CACNA1C: variants seen among roughly 807,000 people sequenced by gnomAD.
The protein encoded by CACNA1C is voltage-dependent L-type calcium channel subunit alpha-1C.
CACNA1C carries 30 observed loss-of-function variants against 229.0 expected under a neutral mutation model. The ratio of observed to expected loss-of-function variants is 0.13; its 90% CI spans 0.10 to 0.18. The LOEUF is 0.18. Among genes scored for constraint, CACNA1C ranks in the 10% least tolerant of loss-of-function variants. The pLI is 1.00. For synonymous variants in CACNA1C, 1,114 were observed against 1,132.5 expected, an observed-to-expected ratio of 0.98 and a Z score of 0.33; for missense variants, 1,658 against 2,845.0, an observed-to-expected ratio of 0.58 and a Z score of 9.49.
Position 2,636,448 on chromosome 12 carries a change from G to A in CACNA1C, c.3912+2068G>A, listed in dbSNP as rs561152248. On this transcript the variant is annotated intron_variant, in intron 30 of 46. Transcript: ENST00000399655. ...GGGGGCTCTGTTGGGGATAGGGAGG[G>A]GGCCTGAACCCGTCCAGCAGCTCCT... Among the ~76,000 whole-genome samples, 10 of 152,306 alleles carry A rather than the reference G, an allele frequency of 6.6e-5. No homozygotes were observed. The South Asian group carries it at 2.1e-3, about 32-fold the overall frequency.
Position 2,686,162 on chromosome 12 carries a change from G to A in CACNA1C, c.5681-4G>A, listed in dbSNP as rs1458011026. 1 of 1,612,400 alleles carries A rather than the reference G, an allele frequency of 6.2e-7. No homozygotes were observed. Reference sequence around the variant, plus strand: ...TGATGGTGGCTCTCTGGCTGGCTTTGCAGGTCGAAGGGCCTCCTTCCACCT... The same window carrying A: ...TGATGGTGGCTCTCTGGCTGGCTTTACAGGTCGAAGGGCCTCCTTCCACCT... On this transcript the variant is annotated splice_polypyrimidine_tract_variant and splice_region_variant and intron_variant, in intron 44 of 46. Transcript: ENST00000399655.
chr12:2,394,520 T>C (rs2098539288), intron 3 of CACNA1C, among the ~76,000 whole-genome samples: 1 of 152,188 alleles, frequency 6.6e-6, no homozygotes, highest in Admixed American at 6.5e-5. Context: ...CCACCTTCTC[T>C]CCTTAGTGGA....
Position 2,693,395 on chromosome 12 carries a change from G to A in CACNA1C, c.*2196G>A, listed in dbSNP as rs2097808339. 1 of 152,200 alleles carries A rather than the reference G, an allele frequency of 6.6e-6. No individual in the cohort carries two copies. The highest frequency in any genetic ancestry group is 1.5e-5 in the Non-Finnish European group (1 of 68,048). 9.4% of individuals were successfully genotyped at this position (152,200 alleles called of 1,614,324 possible). ...TCCTTAGGAAAGTGTACACTAACCG[G>A]GAGGATAAAATTAAAGTCAGGCTGC... On this transcript the variant is annotated 3_prime_UTR_variant, in exon 47 of 47. Coordinates refer to ENST00000399655, the MANE Select transcript of CACNA1C (RefSeq NM_000719.7).
Position 2,493,672 on chromosome 12 carries a change from G to A in CACNA1C, c.1113+286G>A, listed in dbSNP as rs2099740897. Reference sequence around the variant, plus strand: ...CTGGTGTGCAGGCATGGATGAGCTGGCCAGGCTGGCACAAGGGTTCCGTTC... The same window carrying A: ...CTGGTGTGCAGGCATGGATGAGCTGACCAGGCTGGCACAAGGGTTCCGTTC... On this transcript the variant is annotated intron_variant, in intron 7 of 46. Coordinates refer to ENST00000399655, the MANE Select transcript of CACNA1C (RefSeq NM_000719.7). This position sits in a 1 kb window ranked among gnomAD's most constrained non-coding sequence, Gnocchi z 4.6. Among the ~76,000 whole-genome samples the A allele has an allele frequency of 6.6e-6, 1 of 152,128 alleles. No individual in the cohort carries two copies. The highest frequency in any genetic ancestry group is 2.1e-4 in the South Asian group (1 of 4,822).
rs1235195938 is a variant in CACNA1C at position 2,275,914 on chromosome 12, A to G, written c.477+155484A>G. Among the ~76,000 whole-genome samples the G allele has an allele frequency of 6.6e-6, 1 of 152,112 alleles. No homozygotes were observed. The highest frequency in any genetic ancestry group is 2.4e-5 in the African/African-American group (1 of 41,400). On this transcript the variant is annotated intron_variant, in intron 3 of 46. Transcript: ENST00000399655. This position sits in a 1 kb window ranked among gnomAD's most constrained non-coding sequence, Gnocchi z 4.1. ...AAAGTCATCAAGCCCAGTTACAGTC[A>G]TCCCTTGGTGTCTGTGGGGAGACTG...
At chr12:2,322,582 A>T (rs2096063025) in intron 3 of CACNA1C, among the ~76,000 whole-genome samples, 1 of 152,200 alleles carries the variant, frequency 6.6e-6, no homozygotes, top group Non-Finnish European at 1.5e-5. Flanking sequence ...GAGGCTCTGA[A>T]ACCTTAGTGG....
rs111442547 is a variant in CACNA1C, at chr12:2,653,904, G to A, written c.4140+4G>A. Reference sequence around the variant, plus strand: ...CTACGCGGTGATCGGGATGCAGGTAGGGAGGCTCCCACCACGGGGCTCCTG... The same window carrying A: ...CTACGCGGTGATCGGGATGCAGGTAAGGAGGCTCCCACCACGGGGCTCCTG... On this transcript the variant is annotated splice_donor_region_variant and intron_variant, in intron 33 of 46. Transcript: ENST00000399655. The surrounding 1 kb of genome is among the most constrained non-coding windows in gnomAD (Gnocchi z 4.7). 362 of 1,613,318 alleles carry A rather than the reference G, an allele frequency of 2.2e-4. No individual in the cohort carries two copies. Among genetic ancestry groups the A allele is most frequent in the Non-Finnish European group, 2.8e-4 (329 of 1,179,594 alleles).
At position 2,674,532 on chromosome 12, in the gene CACNA1C, G is replaced by C; in HGVS notation, c.4727-9G>C. 1 of 1,554,928 alleles carries C rather than the reference G, an allele frequency of 6.4e-7. No individual in the cohort carries two copies. ...CACCAAGGGGCTGAGGATCCTTTCCGCCCTGCAGGGAACCTAGAACAAGCC... is the reference window on the plus strand; with the variant it reads ...CACCAAGGGGCTGAGGATCCTTTCCCCCCTGCAGGGAACCTAGAACAAGCC... On this transcript the variant is annotated splice_polypyrimidine_tract_variant and intron_variant, in intron 38 of 46. Transcript: ENST00000399655.
chr12:2,543,387 T>C (rs2099875779), intron 9 of CACNA1C, among the ~76,000 whole-genome samples: 1 of 152,096 alleles, frequency 6.6e-6, no homozygotes, highest in Non-Finnish European at 1.5e-5. Flanking sequence ...AAGGGAGGGG[T>C]CAGGCTTTCC....
intron 9 of CACNA1C, 77 bp from the exon 10 acceptor site, chr12:2,549,866 G>A (rs1198922107): frequency 1.9e-6 from 2 of 1,066,088 alleles, no homozygotes; most frequent in Admixed American, 2.0e-5. Context: ...CGGTGGGCGT[G>A]TTGCAAACTA....
chr12:2,337,334 T>A (rs183078116), intron 3 of CACNA1C, among the ~76,000 whole-genome samples: 3 of 152,184 alleles, frequency 2.0e-5, no homozygotes, highest in Non-Finnish European at 4.4e-5. Context: ...CTCCTTTTCC[T>A]TTCCTCCAGA....
intron 3 of CACNA1C, among the ~76,000 whole-genome samples, chr12:2,339,488 T>C (rs947243613): frequency 2.0e-5 from 3 of 152,244 alleles, no homozygotes; most frequent in Non-Finnish European, 2.9e-5. Flanking sequence ...GCTATAACTT[T>C]TTTGCTTTAT....
intron 1 of CACNA1C, among the ~76,000 whole-genome samples, chr12:2,085,193 A>G (rs1216403694): frequency 6.6e-6 from 1 of 152,232 alleles, no homozygotes; most frequent in Non-Finnish European, 1.5e-5. Context: ...TCTCTGGATC[A>G]GCCAACTGCA....
intron 38 of CACNA1C, 163 bp from the exon 39 acceptor site, chr12:2,674,378 T>G (rs1603445014): frequency 2.1e-5 from 21 of 977,142 alleles, no homozygotes; most frequent in South Asian, 1.3e-4. Flanking sequence ...AGGAAGGAGG[T>G]GGAAAATGGG....
intron 1 of CACNA1C, among the ~76,000 whole-genome samples, chr12:2,020,852 A>G (rs1683760540): frequency 6.6e-6 from 1 of 152,192 alleles, no homozygotes; most frequent in African/African-American, 2.4e-5. Context: ...GCCCTTGGCC[A>G]TGAAGAACTC....
At chr12:2,228,682 C>A (rs2063773713) in intron 3 of CACNA1C, among the ~76,000 whole-genome samples, 1 of 152,204 alleles carries the variant, frequency 6.6e-6, no homozygotes, top group Non-Finnish European at 1.5e-5. Flanking sequence ...CAGGTACACT[C>A]ATTCCATCAT....
Position 2,646,717 on chromosome 12 carries a change from C to A in CACNA1C, c.3913-1758C>A, listed in dbSNP as rs966255317. On this transcript the variant is annotated intron_variant, in intron 30 of 46. Transcript: ENST00000399655. The surrounding 1 kb of genome is among the most constrained non-coding windows in gnomAD (Gnocchi z 4.6). ...CACCAGAGCAAAAGGGGTTTAGGTGCTTTGCCAAGAAATTTCTTCTGTGCA... is the reference window on the plus strand; with the variant it reads ...CACCAGAGCAAAAGGGGTTTAGGTGATTTGCCAAGAAATTTCTTCTGTGCA... Among the ~76,000 whole-genome samples, 2 of 151,582 alleles carry A rather than the reference C, an allele frequency of 1.3e-5. No individual in the cohort carries two copies. Among genetic ancestry groups the A allele is most frequent in the Non-Finnish European group, 2.9e-5 (2 of 67,984 alleles).
chr12:2,232,055 A>C (rs2065330322), intron 3 of CACNA1C, among the ~76,000 whole-genome samples: 1 of 152,128 alleles, frequency 6.6e-6, no homozygotes, highest in Non-Finnish European at 1.5e-5. Context: ...AAACTGAGAA[A>C]CTGACATGGG....
intron 3 of CACNA1C, among the ~76,000 whole-genome samples, chr12:2,254,686 C>T (rs1329186172): frequency 1.3e-5 from 2 of 152,186 alleles, no homozygotes; most frequent in Non-Finnish European, 2.9e-5. Context: ...ACTCAAACTA[C>T]TCCATTGTGA....
Sources: gnomAD v4.1 joint callset for allele counts (sites outside exome capture counted in the v4.1 genomes callset) on GRCh38, gnomAD v4.1.1 for gene constraint, Gnocchi (gnomAD v3.1) non-coding constraint, MANE v1.5 for transcripts, NCBI Gene and HGNC (gene_info 2026-07-23, HGNC 2026-07-21) for gene names.